Variants in GRM7 observed in about 807,000 individuals in gnomAD.
The protein encoded by GRM7 is glutamate metabotropic receptor 7.
A neutral mutation model predicts 84.5 loss-of-function variants in GRM7; 35 were observed. The observed-to-expected ratio is 0.41, with a 90% CI of 0.32 to 0.55. The LOEUF is 0.55. Ranked by LOEUF, GRM7 falls within the 20% of genes least tolerant of loss-of-function variation. The pLI, the probability that GRM7 is intolerant of heterozygous loss-of-function variation, is 0.19. For missense variants in GRM7, 1,003 were observed against 1,194.6 expected, an observed-to-expected ratio of 0.84 and a Z score of 2.36; for synonymous variants, 487 against 455.1, an observed-to-expected ratio of 1.07 and a Z score of -0.89.
At chr3:7,552,402 C>A (rs1693521513) in intron 7 of GRM7, among the ~76,000 whole-genome samples, 1 of 152,208 alleles carries the variant, frequency 6.6e-6, no homozygotes, top group Non-Finnish European at 1.5e-5. Context: ...GACAGCGATC[C>A]TCTTCTCACA....
At chr3:7,487,908 A>G (rs1316643225) in intron 7 of GRM7, among the ~76,000 whole-genome samples, 1 of 152,054 alleles carries the variant, frequency 6.6e-6, no homozygotes, top group Admixed American at 6.5e-5. Context: ...CTAGTGTACA[A>G]CCCTAACCTT....
chr3:7,717,717 A>C (rs1701813754), intron 9 of GRM7, among the ~76,000 whole-genome samples: 1 of 152,222 alleles, frequency 6.6e-6, no homozygotes, highest in Non-Finnish European at 1.5e-5. Flanking sequence ...CTCCAGTACT[A>C]GACAGAAATG....
chr3:7,582,121 G>A (rs949112701), intron 8 of GRM7, among the ~76,000 whole-genome samples: 5 of 152,142 alleles, frequency 3.3e-5, no homozygotes, highest in Non-Finnish European at 7.4e-5. Flanking sequence ...AAGCTGGCTG[G>A]CCCAGTTTGA....
At chr3:6,886,730 A>G (rs1188409233) in intron 1 of GRM7, among the ~76,000 whole-genome samples, 7 of 151,970 alleles carry the variant, frequency 4.6e-5, no homozygotes, top group African/African-American at 2.4e-5. Flanking sequence ...TGTTACATAT[A>G]TCATTACTCT....
intron 7 of GRM7, among the ~76,000 whole-genome samples, chr3:7,466,077 A>G (rs1379082153): frequency 6.6e-6 from 1 of 152,092 alleles, no homozygotes; most frequent in African/African-American, 2.4e-5. Context: ...ACCCTAATTT[A>G]ATTTCTTAGG....
intron 1 of GRM7, among the ~76,000 whole-genome samples, chr3:6,901,222 A>G (rs1182032538): frequency 6.6e-6 from 1 of 152,346 alleles, no homozygotes; most frequent in Admixed American, 6.5e-5. Context: ...TTATACAACA[A>G]GATCCATCTG....
intron 1 of GRM7, among the ~76,000 whole-genome samples, chr3:7,037,526 G>A (rs866280853): frequency 2.0e-5 from 3 of 152,104 alleles, no homozygotes; most frequent in African/African-American, 4.8e-5. Flanking sequence ...AGTGCTCCAC[G>A]AACATTAGTT....
intron 1 of GRM7, among the ~76,000 whole-genome samples, chr3:7,101,723 A>G (rs1699113951): frequency 6.7e-6 from 1 of 149,490 alleles, no homozygotes; most frequent in South Asian, 2.1e-4. Flanking sequence ...TTTTTGCTTT[A>G]TATATCTACA....
intron 1 of GRM7, among the ~76,000 whole-genome samples, chr3:6,887,485 G>C (rs988745232): frequency 2.6e-5 from 4 of 151,826 alleles, no homozygotes; most frequent in African/African-American, 9.7e-5. Context: ...GCAGTGCTTG[G>C]TTTTTTGTTC....
chr3:7,338,418 A>G (rs1219148896), intron 4 of GRM7, among the ~76,000 whole-genome samples: 1 of 152,084 alleles, frequency 6.6e-6, no homozygotes, highest in Non-Finnish European at 1.5e-5. Flanking sequence ...TGATGGGTAT[A>G]CTAAAATCTC....
chr3:6,995,593 A>T (rs1304676514), intron 1 of GRM7, among the ~76,000 whole-genome samples: 1 of 152,240 alleles, frequency 6.6e-6, no homozygotes, highest in African/African-American at 2.4e-5. Context: ...AAATAGGACC[A>T]TGTGAAATTG....
chr3:7,086,315 C>T (rs9871336), intron 1 of GRM7, among the ~76,000 whole-genome samples: 28,368 of 151,740 alleles, frequency 0.19, 2,700 homozygotes, highest in Middle Eastern at 0.25. Context: ...AATCTGTATC[C>T]ACTTATAAAT....
intron 1 of GRM7, among the ~76,000 whole-genome samples, chr3:7,003,867 T>C (rs1695093644): frequency 6.6e-6 from 1 of 152,180 alleles, no homozygotes; most frequent in Non-Finnish European, 1.5e-5. Context: ...GGGTATCTCA[T>C]GAGATTTTAC....
chr3:7,464,696 C>T (rs577308657), intron 7 of GRM7, among the ~76,000 whole-genome samples: 28 of 151,930 alleles, frequency 1.8e-4, no homozygotes, highest in Non-Finnish European at 3.4e-4. Context: ...GGCATGGTGG[C>T]GGGCGCCTGT....
intron 1 of GRM7, among the ~76,000 whole-genome samples, chr3:7,047,693 C>T (rs755090903): frequency 2.8e-4 from 42 of 152,100 alleles, no homozygotes; most frequent in Middle Eastern, 3.4e-3. Context: ...CTGGATTCTA[C>T]GCAAAGAGTT....
chr3:7,320,847 C>T (rs550701546), intron 4 of GRM7, among the ~76,000 whole-genome samples: 5 of 152,040 alleles, frequency 3.3e-5, no homozygotes, highest in South Asian at 2.1e-4. Context: ...TCCATTGATA[C>T]ATCATAAACA....
At chr3:7,565,225 G>C (rs546076065) in intron 7 of GRM7, among the ~76,000 whole-genome samples, 1 of 152,194 alleles carries the variant, frequency 6.6e-6, no homozygotes, top group East Asian at 1.9e-4. Context: ...CTAAAGGAGA[G>C]GTCAGTCTGT....
At chr3:6,900,795 G>C (rs933761607) in intron 1 of GRM7, among the ~76,000 whole-genome samples, 2 of 152,170 alleles carry the variant, frequency 1.3e-5, no homozygotes, top group African/African-American at 4.8e-5. Flanking sequence ...GCAGGTGAAA[G>C]CTTTTTGGCC....
intron 8 of GRM7, among the ~76,000 whole-genome samples, chr3:7,665,321 G>A (rs1048433176): frequency 5.9e-5 from 9 of 151,748 alleles, no homozygotes; most frequent in African/African-American, 1.2e-4. Flanking sequence ...ACAGGTGCCC[G>A]CCACCGCACC....
Sources: gnomAD v4.1 joint callset for allele counts (sites outside exome capture counted in the v4.1 genomes callset) on GRCh38, gnomAD v4.1.1 for gene constraint, MANE v1.5 for transcripts, NCBI Gene and HGNC (gene_info 2026-07-23, HGNC 2026-07-21) for gene names.